Variants in NTN4 observed in about 807,000 individuals in gnomAD.
NTN4 encodes the protein netrin 4, also known as netrin-4.
In NTN4, 32 loss-of-function variants were observed where a neutral mutation model predicts 73.6. The ratio of observed to expected loss-of-function variants is 0.44; its 90% CI spans 0.33 to 0.58. The LOEUF (loss-of-function observed/expected upper bound fraction) is 0.58, where lower values mean the gene tolerates loss of function less well. NTN4 is among the 20% of genes least tolerant of loss of function. The pLI is 0.04. For missense variants in NTN4, 654 were observed against 798.3 expected, an observed-to-expected ratio of 0.82 and a Z score of 2.18; for synonymous variants, 258 against 287.5, an observed-to-expected ratio of 0.90 and a Z score of 1.04.
At chr12:95,704,624 AACGTAGGTAGAGAGT>A (rs1211490703) in intron 5 of NTN4, among the ~76,000 whole-genome samples, 3 of 152,184 alleles carry the variant, frequency 2.0e-5, no homozygotes, top group Non-Finnish European at 4.4e-5. Flanking sequence ...CTAATCAAAC[AACGTAGGTAGAGAGT>A]ACGTAGGTAG....
chr12:95,705,335 T>C (rs1017911383), intron 5 of NTN4, among the ~76,000 whole-genome samples: 1 of 152,166 alleles, frequency 6.6e-6, no homozygotes, highest in Non-Finnish European at 1.5e-5. Flanking sequence ...GCACATGGAC[T>C]GATTATCAAC....
chr12:95,718,876 T>C (rs2078626713), intron 3 of NTN4, among the ~76,000 whole-genome samples: 1 of 152,204 alleles, frequency 6.6e-6, no homozygotes, highest in East Asian at 1.9e-4. Flanking sequence ...ATGGTACTCT[T>C]GGACTAAATG....
In NTN4 at chr12:95,667,743, C is replaced by T. The variant is rs183423004; in HGVS notation, c.1580-1763G>A. 6.4e-4 allele frequency among the ~76,000 whole-genome samples: 98 copies of T among 151,962 alleles called. 1 individual carries two copies. The highest frequency in any genetic ancestry group is 2.3e-3 in the African/African-American group (97 of 41,442). ...GGTGTGGTGGTGCATGCTTGTAGTC[C>T]CAGCTACTTGGGAAGCTGAGCCAGG... On this transcript the variant is annotated intron_variant, in intron 8 of 9. Transcript: ENST00000343702.
At chr12:95,710,721 G>T (rs1368582444) in intron 4 of NTN4, 92 bp from the exon 5 acceptor site, 3 of 1,235,202 alleles carry the variant, frequency 2.4e-6, no homozygotes, top group Admixed American at 4.3e-5. Flanking sequence ...AGGATGAGTT[G>T]GCCAGGCGTG....
chr12:95,781,737 A>T lies in NTN4; in HGVS notation c.585+5202T>A, dbSNP rs966070504. On this transcript the variant is annotated intron_variant, in intron 2 of 9. Transcript: ENST00000343702. The surrounding 1 kb of genome is among the most constrained non-coding windows in gnomAD (Gnocchi z 4.1). ...ATTGAATAAAAGTAATAATTAATTT[A>T]AAAAAATAGAAAAATAAAAATAGCA... is the stretch of plus-strand genomic sequence containing the variant. 1.3e-5 allele frequency among the ~76,000 whole-genome samples: 2 copies of T among 152,112 alleles called. No homozygotes were observed. The highest frequency in any genetic ancestry group is 2.4e-5 in the African/African-American group (1 of 41,410).
chr12:95,740,984 T>C (rs2078819359), intron 2 of NTN4, among the ~76,000 whole-genome samples: 1 of 152,146 alleles, frequency 6.6e-6, no homozygotes, highest in Middle Eastern at 3.2e-3. Flanking sequence ...TTCTGACACA[T>C]AACAAAATTT....
At position 95,732,522 on chromosome 12, in the gene NTN4, A is replaced by G. The variant is rs532769736; in HGVS notation, c.864+5344T>C. Among the ~76,000 whole-genome samples the G allele has an allele frequency of 2.7e-5, 4 of 150,432 alleles. 1 individual carries two copies. Among genetic ancestry groups the G allele is most frequent in the South Asian group, 2.1e-4 (1 of 4,760 alleles). ...GCGTCCAAGCGATTCTTCGGCCCCA[A>G]TCTCCGGAGTATCTGGGACTATAGG... On this transcript the variant is annotated intron_variant, in intron 3 of 9. Transcript: ENST00000343702.
intron 2 of NTN4, among the ~76,000 whole-genome samples, chr12:95,776,244 A>G (rs957958372): frequency 6.6e-6 from 1 of 152,204 alleles, no homozygotes; most frequent in African/African-American, 2.4e-5. Context: ...AGTTCTAAAA[A>G]TCAGAACACC....
At chr12:95,761,166 C>T (rs1356172284) in intron 2 of NTN4, among the ~76,000 whole-genome samples, 1 of 152,096 alleles carries the variant, frequency 6.6e-6, no homozygotes, top group Non-Finnish European at 1.5e-5. Context: ...CTTAGACTTT[C>T]ATTTTGGTCC....
intron 2 of NTN4, among the ~76,000 whole-genome samples, chr12:95,778,327 G>A (rs1459349357): frequency 6.6e-6 from 1 of 151,930 alleles, no homozygotes; most frequent in Non-Finnish European, 1.5e-5. Flanking sequence ...AGAACTGAAG[G>A]AGATAGAGAC....
At position 95,761,530 on chromosome 12, in the gene NTN4, A is replaced by G. The variant is rs184386774; in HGVS notation, c.586-23386T>C. Among the ~76,000 whole-genome samples the G allele has an allele frequency of 5.9e-3, 894 of 152,018 alleles. 7 individuals carry two copies. The highest frequency in any genetic ancestry group is 0.014 in the Middle Eastern group (4 of 294). On this transcript the variant is annotated intron_variant, in intron 2 of 9. Coordinates refer to ENST00000343702, the MANE Select transcript of NTN4 (RefSeq NM_021229.4). ...GTATTTTTAGTAGAGATGGGGTTTC[A>G]CCATGTTGGCCAGGCTGGTCTCGAA...
At chr12:95,760,539 G>C (rs7134887) in intron 2 of NTN4, among the ~76,000 whole-genome samples, 2,100 of 152,240 alleles carry the variant, frequency 0.014, 51 homozygotes, top group African/African-American at 0.048. Context: ...ACTGGACTCT[G>C]GGTTCTCCTT....
intron 7 of NTN4, 60 bp from the exon 8 acceptor site, chr12:95,670,206 A>G: frequency 1.0e-6 from 1 of 990,448 alleles, no homozygotes; most frequent in Non-Finnish European, 1.6e-6. Context: ...AGAAAAAATA[A>G]GAGATCAGCA....
At chr12:95,669,425 C>T (rs75202279) in intron 8 of NTN4, among the ~76,000 whole-genome samples, 2,709 of 152,228 alleles carry the variant, frequency 0.018, 76 homozygotes, top group African/African-American at 0.06. Flanking sequence ...CCCAGGTGGA[C>T]AGCTGGTCTC....
At chr12:95,698,509 T>C (rs2468363) in intron 5 of NTN4, among the ~76,000 whole-genome samples, 119,422 of 152,042 alleles carry the variant, frequency 0.79, 46,998 homozygotes, top group African/African-American at 0.82. Flanking sequence ...TTCATGACCT[T>C]GTCCACTTCT....
At chr12:95,732,891 A>C (rs2078749073) in intron 3 of NTN4, among the ~76,000 whole-genome samples, 1 of 152,212 alleles carries the variant, frequency 6.6e-6, no homozygotes, top group Non-Finnish European at 1.5e-5. Context: ...TCATAATGAG[A>C]CTATATGAAT....
chr12:95,711,580 C>T (rs1347036165), intron 4 of NTN4, among the ~76,000 whole-genome samples: 1 of 152,192 alleles, frequency 6.6e-6, no homozygotes, highest in African/African-American at 2.4e-5. Flanking sequence ...ATTGATTTAT[C>T]TTTCATAAAG....
intron 5 of NTN4, among the ~76,000 whole-genome samples, chr12:95,685,468 T>C (rs561127440): frequency 6.6e-6 from 1 of 152,316 alleles, no homozygotes; most frequent in African/African-American, 2.4e-5. Context: ...GGTTTCCTTA[T>C]TGTGGTATCT....
At chr12:95,676,103 T>C (rs180744201) in intron 7 of NTN4, among the ~76,000 whole-genome samples, 1 of 152,212 alleles carries the variant, frequency 6.6e-6, no homozygotes, top group Non-Finnish European at 1.5e-5. Context: ...CAAATATTCT[T>C]TTTTGTTTTT....
Sources: allele counts gnomAD v4.1 joint callset (sites outside exome capture counted in the v4.1 genomes callset), GRCh38; gene constraint gnomAD v4.1.1; non-coding constraint Gnocchi (gnomAD v3.1); transcripts MANE v1.5; gene names NCBI Gene and HGNC (gene_info 2026-07-23, HGNC 2026-07-21).